The following UGT1A9 variants were observed in gnomAD, a reference collection of about 807,000 sequenced individuals.
The protein encoded by UGT1A9 is UDP-glucuronosyltransferase 1A9.
Under a neutral mutation model 45.0 loss-of-function variants are expected in UGT1A9, and 35 were observed. The observed-to-expected ratio is 0.78, with a 90% CI of 0.59 to 1.03. UGT1A9 has a LOEUF of 1.03. Among genes scored for constraint, UGT1A9 ranks in the 50% least tolerant of loss-of-function variants. The pLI is 0.00. For missense variants in UGT1A9, 687 were observed against 666.6 expected, an observed-to-expected ratio of 1.03 and a Z score of -0.34; for synonymous variants, 278 against 250.6, an observed-to-expected ratio of 1.11 and a Z score of -1.03.
intron 1 of UGT1A9, among the ~76,000 whole-genome samples, chr2:233,744,545 T>A (rs1042010726): frequency 6.6e-6 from 1 of 151,936 alleles, no homozygotes; most frequent in Non-Finnish European, 1.5e-5. Context: ...TAAATTTTAT[T>A]AAGACAAAAT....
At chr2:233,701,811 A>G (rs942199612) in intron 1 of UGT1A9, among the ~76,000 whole-genome samples, 4 of 152,228 alleles carry the variant, frequency 2.6e-5, no homozygotes, top group Non-Finnish European at 1.5e-5. Flanking sequence ...ACAAAGACAC[A>G]ACATACCAGA....
Position 233,768,588 on chromosome 2 carries a change from T to TTC in UGT1A9, c.1295+150_1295+151insCT. 11 of 996,616 alleles carry TTC rather than the reference T, an allele frequency of 1.1e-5. No individual in the cohort carries two copies. In the East Asian group the frequency reaches 2.1e-4, roughly 19 times the overall value. The allele number at this position is 996,616 out of a possible 1,614,324, so 61.7% of individuals were successfully genotyped here. A position where few individuals can be genotyped will look rare whatever the true frequency, so the allele number is the denominator to read the frequency against. On this transcript the variant is annotated intron_variant, in intron 4 of 4. Transcript: ENST00000354728. ...ATCTGGATTTTTATTTCTTCTTTTT[T>TTC]TTTTTTTTTTTTTTTTGAGATGGAG...
chr2:233,711,832 G>A (rs536118368), intron 1 of UGT1A9, among the ~76,000 whole-genome samples: 12 of 152,322 alleles, frequency 7.9e-5, no homozygotes, highest in Non-Finnish European at 1.8e-4. Context: ...AGGACAAGGA[G>A]GCGTCAGCAA....
intron 1 of UGT1A9, chr2:233,712,960 T>C (rs759299238): frequency 6.2e-7 from 1 of 1,612,820 alleles, no homozygotes; most frequent in Non-Finnish European, 8.5e-7. Context: ...CAACGTGGGG[T>C]GGACAGTCAG....
chr2:233,719,862 G>A (rs1026145959), intron 1 of UGT1A9, among the ~76,000 whole-genome samples: 4 of 152,186 alleles, frequency 2.6e-5, no homozygotes, highest in African/African-American at 9.7e-5. Flanking sequence ...AGTGGTCACT[G>A]AGAGGAAGAA....
At chr2:233,740,216 C>T (rs2125828149) in intron 1 of UGT1A9, among the ~76,000 whole-genome samples, 1 of 151,920 alleles carries the variant, frequency 6.6e-6, no homozygotes, top group Admixed American at 6.5e-5. Flanking sequence ...CCAGTCTCAG[C>T]TGCGTCTTTA....
chr2:233,681,163 A>G (rs557524327), intron 1 of UGT1A9, among the ~76,000 whole-genome samples: 9 of 152,008 alleles, frequency 5.9e-5, no homozygotes, highest in East Asian at 5.9e-4. Context: ...TAGGAGGTCA[A>G]CGCTAAGACC....
chr2:233,690,459 C>A, intron 1 of UGT1A9: 1 of 1,288,310 alleles, frequency 7.8e-7, no homozygotes, highest in Non-Finnish European at 1.0e-6. Context: ...AAAATGCCAG[C>A]TATCCTCCAT....
At chr2:233,757,102 G>A (rs1696403036) in intron 1 of UGT1A9, among the ~76,000 whole-genome samples, 2 of 151,258 alleles carry the variant, frequency 1.3e-5, no homozygotes, top group South Asian at 4.2e-4. Context: ...GAGGGAGGGG[G>A]CAAGCAGAAG....
intron 1 of UGT1A9, among the ~76,000 whole-genome samples, chr2:233,724,293 C>T (rs1226718888): frequency 6.7e-5 from 9 of 135,040 alleles, no homozygotes; most frequent in East Asian, 2.4e-4. Context: ...GGGGGCTGAC[C>T]CCCCCACCTC....
At chr2:233,741,446 CAGTG>C (rs1388534811) in intron 1 of UGT1A9, 2 of 149,546 alleles carry the variant, frequency 1.3e-5, no homozygotes, top group African/African-American at 2.6e-5. Flanking sequence ...GCAAACTACT[CAGTG>C]AGTATCTTCA....
At chr2:233,677,408 T>C (rs1334308913) in intron 1 of UGT1A9, among the ~76,000 whole-genome samples, 1 of 152,188 alleles carries the variant, frequency 6.6e-6, no homozygotes, top group African/African-American at 2.4e-5. Flanking sequence ...CTTTTGATTC[T>C]CCAAAAACTT....
chr2:233,767,170 G>A lies in UGT1A9; in HGVS notation c.987+5G>A. 1.2e-6 allele frequency: 2 copies of A among 1,614,090 alleles called. No homozygotes were observed. Among genetic ancestry groups the A allele is most frequent in the South Asian group, 1.1e-5 (1 of 91,068 alleles). ...TTGGGCAAAATCCCTCAGACAGTAA[G>A]AAGATTCTATACCATGGCCTCATAT... is the stretch of plus-strand genomic sequence containing the variant. On this transcript the variant is annotated splice_donor_5th_base_variant and intron_variant, in intron 2 of 4. Transcript: ENST00000354728.
chr2:233,679,874 T>C (rs2074464966), intron 1 of UGT1A9, among the ~76,000 whole-genome samples: 1 of 152,180 alleles, frequency 6.6e-6, no homozygotes, highest in Non-Finnish European at 1.5e-5. Context: ...GCCTTTCTTA[T>C]AGCAATCCTA....
At chr2:233,754,607 T>G (rs1695531840) in intron 1 of UGT1A9, 1 of 435,160 alleles carries the variant, frequency 2.3e-6, no homozygotes, top group Admixed American at 2.6e-5. Flanking sequence ...AACTCAACTC[T>G]CCATCTTCCT....
At chr2:233,721,840 G>A in intron 1 of UGT1A9, 1 of 515,588 alleles carries the variant, frequency 1.9e-6, no homozygotes, top group Non-Finnish European at 3.9e-6. Flanking sequence ...CCGACCTTGT[G>A]TCCAGCCCCA....
intron 1 of UGT1A9, among the ~76,000 whole-genome samples, chr2:233,696,688 T>C (rs2075354948): frequency 6.6e-6 from 1 of 152,230 alleles, no homozygotes; most frequent in Admixed American, 6.5e-5. Context: ...ACAGTCAGCA[T>C]CTTTGTCTTA....
intron 1 of UGT1A9, among the ~76,000 whole-genome samples, chr2:233,721,312 C>T (rs966115699): frequency 1.3e-5 from 2 of 152,056 alleles, no homozygotes; most frequent in Admixed American, 6.5e-5. Context: ...GTGATTGTGG[C>T]TCTTTTCTTG....
chr2:233,682,372 G>A (rs375461567), intron 1 of UGT1A9: 1 of 1,614,042 alleles, frequency 6.2e-7, no homozygotes, highest in Non-Finnish European at 8.5e-7. Flanking sequence ...TTGATGCAGT[G>A]TTTCTCGATC....
Sources: allele counts gnomAD v4.1 joint callset (sites outside exome capture counted in the v4.1 genomes callset), GRCh38; gene constraint gnomAD v4.1.1; transcripts MANE v1.5; gene names NCBI Gene and HGNC (gene_info 2026-07-23, HGNC 2026-07-21).